The following PRDM6 variants were observed in gnomAD, a reference collection of about 807,000 sequenced individuals.
The protein encoded by PRDM6 is putative histone-lysine N-methyltransferase PRDM6.
PRDM6 carries 25 observed loss-of-function variants against 60.8 expected under a neutral mutation model. The ratio of observed to expected loss-of-function variants is 0.41; its 90% CI spans 0.30 to 0.57. The LOEUF (loss-of-function observed/expected upper bound fraction) is 0.57, where lower values mean the gene tolerates loss of function less well. Among genes scored for constraint, PRDM6 ranks in the 20% least tolerant of loss-of-function variants. PRDM6 has a pLI of 0.27. For synonymous variants in PRDM6, 407 were observed against 357.4 expected, an observed-to-expected ratio of 1.14 and a Z score of -1.57; for missense variants, 839 against 821.3, an observed-to-expected ratio of 1.02 and a Z score of -0.26.
At chr5:123,175,035 C>CTTAT (rs138075950) in intron 6 of PRDM6, among the ~76,000 whole-genome samples, 17,948 of 152,020 alleles carry the variant, frequency 0.12, 1,312 homozygotes, top group African/African-American at 0.21. Context: ...TTTGCATAAG[C>CTTAT]TTATTGCCTA....
At chr5:123,098,940 T>G (rs1580476221) in intron 2 of PRDM6, among the ~76,000 whole-genome samples, 1 of 150,656 alleles carries the variant, frequency 6.6e-6, no homozygotes, top group South Asian at 2.1e-4. Flanking sequence ...CTGCGGCTCC[T>G]GCTCTACCGG....
intron 3 of PRDM6, among the ~76,000 whole-genome samples, chr5:123,154,237 CATGTAGCAG>C (rs1765442363): frequency 6.6e-6 from 1 of 152,140 alleles, no homozygotes; most frequent in African/African-American, 2.4e-5. Flanking sequence ...TTAGATTGTT[CATGTAGCAG>C]ATGTAGCCAC....
chr5:123,147,914 A>T (rs1765284116), intron 3 of PRDM6, among the ~76,000 whole-genome samples: 1 of 152,218 alleles, frequency 6.6e-6, no homozygotes, highest in South Asian at 2.1e-4. Flanking sequence ...AATGCTCAAC[A>T]GTTCTCAGGA....
chr5:123,130,102 TCCC>T (rs1561836091), intron 3 of PRDM6, among the ~76,000 whole-genome samples: 2 of 26,634 alleles, frequency 7.5e-5, no homozygotes, highest in Non-Finnish European at 5.9e-5. Context: ...TCCCCTCCCC[TCCC>T]CTCCCCTCCT....
chr5:123,095,758 T>A lies in PRDM6; in HGVS notation c.593-3896T>A, dbSNP rs113458381. ...GCCAACGAAGGCGTCGGGCAGGTAC[T>A]GGGGAGTGAAGATGTGATGTAGCTC... On this transcript the variant is annotated intron_variant, in intron 2 of 7. Coordinates refer to ENST00000407847, the MANE Select transcript of PRDM6 (RefSeq NM_001136239.4). 1.6e-3 allele frequency among the ~76,000 whole-genome samples: 242 copies of A among 152,334 alleles called. 1 individual carries two copies. Among genetic ancestry groups the A allele is most frequent in the African/African-American group, 5.3e-3 (220 of 41,586 alleles).
chr5:123,102,887 ATGG>A (rs1161270538), intron 3 of PRDM6, among the ~76,000 whole-genome samples: 1 of 152,030 alleles, frequency 6.6e-6, no homozygotes, highest in Admixed American at 6.5e-5. Flanking sequence ...TGTTTTTAGT[ATGG>A]TTGTACTTTA....
At chr5:123,129,966 C>A (rs1451374087) in intron 3 of PRDM6, among the ~76,000 whole-genome samples, 1 of 150,784 alleles carries the variant, frequency 6.6e-6, no homozygotes, top group African/African-American at 2.4e-5. Flanking sequence ...CTCCTTCCCT[C>A]CCTTCCCCTT....
rs1321825795 is a variant in PRDM6 at position 123,124,530 on chromosome 5, G to A, written c.900+24569G>A. ...CAGACAATAGCCCAACTTAGCACTG[G>A]CATTAAATGGAATAAATCTGTTCTT... On this transcript the variant is annotated intron_variant, in intron 3 of 7. Transcript: ENST00000407847. 2.0e-5 allele frequency among the ~76,000 whole-genome samples: 3 copies of A among 152,204 alleles called. No homozygotes were observed. The East Asian group carries it at 5.8e-4, about 29-fold the overall frequency.
chr5:123,187,257 C>A lies in PRDM6; in HGVS notation c.*56C>A. 1 of 1,371,732 alleles carries A rather than the reference C, an allele frequency of 7.3e-7. No homozygotes were observed. The highest frequency in any genetic ancestry group is 1.0e-6 in the Non-Finnish European group (1 of 986,388). The allele number at this position is 1,371,732 out of a possible 1,614,324, so 85.0% of individuals were successfully genotyped here. ...GAAAGTCATGATTAAATGTCACGGA[C>A]ACTTAAGCAAAACCAAAGATTTCCT... On this transcript the variant is annotated 3_prime_UTR_variant, in exon 8 of 8. Transcript: ENST00000407847.
At chr5:123,127,214 GT>G (rs1764713501) in intron 3 of PRDM6, among the ~76,000 whole-genome samples, 1 of 151,966 alleles carries the variant, frequency 6.6e-6, no homozygotes, top group Admixed American at 6.6e-5. Context: ...ATTCTTGTAT[GT>G]TTAGTAGAGA....
rs1304155133 is a variant in PRDM6, at chr5:123,099,877, C to T, written c.816C>T (p.Thr272=). 3 of 1,550,240 alleles carry T rather than the reference C, an allele frequency of 1.9e-6. No individual in the cohort carries two copies. The highest frequency in any genetic ancestry group is 1.4e-5 in the African/African-American group (1 of 73,148). Residue 272 remains threonine (T), a synonymous_variant, in exon 3 of 8, where the codon ACC becomes ACT. Transcript: ENST00000407847. This position sits in a 1 kb window ranked among gnomAD's most constrained non-coding sequence, Gnocchi z 4.0. The stretch of plus-strand genomic sequence containing the variant: ...CGGCGCAGAGGATCCAGCAAGGCAC[C>T]TGGATTGGACCTTTCCAAGGCGTGC... ...ICAAQRIQQG[T]WIGPFQGVLL...
chr5:123,109,116 G>T (rs1194752859), intron 3 of PRDM6, among the ~76,000 whole-genome samples: 1 of 151,976 alleles, frequency 6.6e-6, no homozygotes, highest in African/African-American at 2.4e-5. Flanking sequence ...AGCGTTTCTG[G>T]GGTCTATGAG....
chr5:123,184,084 A>G (rs1766227430), intron 7 of PRDM6, among the ~76,000 whole-genome samples: 1 of 152,254 alleles, frequency 6.6e-6, no homozygotes, highest in South Asian at 2.1e-4. Context: ...AGGCAAAATT[A>G]AAGCAAATCC....
chr5:123,186,959 A>G (rs1766301627), intron 7 of PRDM6, 128 bp from the exon 8 acceptor site: 1 of 660,972 alleles, frequency 1.5e-6, no homozygotes, highest in African/African-American at 1.8e-5. Flanking sequence ...GCCACCAATT[A>G]AACCTCTTGA....
intron 3 of PRDM6, among the ~76,000 whole-genome samples, chr5:123,106,147 G>C (rs1414114179): frequency 1.3e-5 from 2 of 152,340 alleles, no homozygotes; most frequent in South Asian, 2.1e-4. Flanking sequence ...AGGTTAGTGA[G>C]ATTGAGCAGT....
At chr5:123,157,339 A>G (rs755301459) in intron 4 of PRDM6, among the ~76,000 whole-genome samples, 16 of 151,944 alleles carry the variant, frequency 1.1e-4, no homozygotes, top group Non-Finnish European at 1.6e-4. Flanking sequence ...TTTTTATAAA[A>G]CTCTGAGCTA....
chr5:123,142,741 A>G (rs1447976154), intron 3 of PRDM6, among the ~76,000 whole-genome samples: 5 of 152,110 alleles, frequency 3.3e-5, no homozygotes, highest in Admixed American at 6.6e-5. Flanking sequence ...TATCTGTCTT[A>G]TGAAATAAAC....
At chr5:123,160,984 C>G (rs1244400469) in intron 5 of PRDM6, among the ~76,000 whole-genome samples, 2 of 152,210 alleles carry the variant, frequency 1.3e-5, no homozygotes, top group Non-Finnish European at 2.9e-5. Flanking sequence ...GCCCCCAAAA[C>G]TAGATCTTTA....
At chr5:123,165,338 C>T (rs1765729895) in intron 5 of PRDM6, among the ~76,000 whole-genome samples, 1 of 152,226 alleles carries the variant, frequency 6.6e-6, no homozygotes, top group African/African-American at 2.4e-5. Flanking sequence ...GTCGAGAAAC[C>T]TTGACACCTC....
Sources: allele counts gnomAD v4.1 joint callset (sites outside exome capture counted in the v4.1 genomes callset), GRCh38; gene constraint gnomAD v4.1.1; non-coding constraint Gnocchi (gnomAD v3.1); transcripts MANE v1.5; gene names NCBI Gene and HGNC (gene_info 2026-07-23, HGNC 2026-07-21).